Variants in RBBP5 observed in about 807,000 individuals in gnomAD.
RBBP5 encodes retinoblastoma-binding protein 5.
RBBP5 carries 5 observed loss-of-function variants against 72.2 expected under a neutral mutation model. That is an observed-to-expected ratio of 0.07 (90% CI 0.04 to 0.15). The LOEUF (loss-of-function observed/expected upper bound fraction) is 0.15, where lower values mean the gene tolerates loss of function less well. Among genes scored for constraint, RBBP5 ranks in the 10% least tolerant of loss-of-function variants. The pLI is 1.00. For missense variants in RBBP5, 322 were observed against 652.2 expected, an observed-to-expected ratio of 0.49 and a Z score of 5.51; for synonymous variants, 209 against 237.2, an observed-to-expected ratio of 0.88 and a Z score of 1.09.
At chr1:205,093,482 ATATATATATATATATATAT>A (rs1655460928) in intron 13 of RBBP5, among the ~76,000 whole-genome samples, 3 of 5,844 alleles carry the variant, frequency 5.1e-4, no homozygotes, top group South Asian at 0.024. Flanking sequence ...AAAAAAAAAT[ATATATATATATATATATAT>A]ATATATATAT....
At chr1:205,104,372 A>C (rs1655966192) in intron 4 of RBBP5, among the ~76,000 whole-genome samples, 1 of 151,424 alleles carries the variant, frequency 6.6e-6, no homozygotes, top group South Asian at 2.1e-4. Context: ...AAAATACAAA[A>C]ACTTAGCCGG....
chr1:205,098,032 G>C (rs953798958), intron 10 of RBBP5, among the ~76,000 whole-genome samples: 1 of 151,920 alleles, frequency 6.6e-6, no homozygotes, highest in African/African-American at 2.4e-5. Context: ...GGATTAAAAA[G>C]TCAAATCTTT....
intron 6 of RBBP5, 69 bp downstream of exon 6, chr1:205,101,531 A>T (rs974680879): frequency 5.2e-6 from 6 of 1,146,740 alleles, no homozygotes; most frequent in Non-Finnish European, 7.4e-6. Context: ...TGAAAACTGC[A>T]AATCTCCATG....
intron 3 of RBBP5, among the ~76,000 whole-genome samples, chr1:205,108,845 C>T (rs559263960): frequency 1.2e-4 from 18 of 152,226 alleles, no homozygotes; most frequent in Admixed American, 6.5e-4. Context: ...GGAATAAAAA[C>T]GGTATCGACC....
At position 205,093,511 on chromosome 1, in the gene RBBP5, T is replaced by A. The variant is rs1348731840; in HGVS notation, c.1588+1362A>T. Among the ~76,000 whole-genome samples, 52 of 8,100 alleles carry A rather than the reference T, an allele frequency of 6.4e-3. 9 individuals carry two copies. Among genetic ancestry groups the A allele is most frequent in the East Asian group, 0.046 (8 of 174 alleles). The allele number at this position is 8,100 out of a possible 152,430, so 5.3% of individuals were successfully genotyped here. On this transcript the variant is annotated intron_variant, in intron 13 of 13. Transcript: ENST00000264515. ...ATATATATATATATATATATATATATATATATATATATATATATATATACA... is the reference window on the plus strand; with the variant it reads ...ATATATATATATATATATATATATAAATATATATATATATATATATATACA...
Position 205,088,759 on chromosome 1 carries a change from GAGAA to G in RBBP5, c.*24_*27del. ...TCCAGAGGCCACATGATGGCAAAGT[GAGAA>G]AGAATGAAGAACTTCGAAGGTCTTC... On this transcript the variant is annotated 3_prime_UTR_variant, in exon 14 of 14. Coordinates refer to ENST00000264515, the MANE Select transcript of RBBP5 (RefSeq NM_005057.4). The G allele has an allele frequency of 6.3e-7, 1 of 1,579,948 alleles. No individual in the cohort carries two copies. Among genetic ancestry groups the G allele is most frequent in the Non-Finnish European group, 8.7e-7 (1 of 1,155,714 alleles).
intron 10 of RBBP5, among the ~76,000 whole-genome samples, chr1:205,097,803 T>C (rs919478719): frequency 6.6e-6 from 1 of 152,124 alleles, no homozygotes; most frequent in African/African-American, 2.4e-5. Flanking sequence ...TAAAACACAT[T>C]AGGCATGCAA....
At chr1:205,115,930 A>T in intron 1 of RBBP5, 47 bp from the exon 2 acceptor site, 1 of 1,614,032 alleles carries the variant, frequency 6.2e-7, no homozygotes, top group Non-Finnish European at 8.5e-7. Flanking sequence ...ACCACATAGC[A>T]AGGATCATAC....
At chr1:205,105,752 G>A (rs112917850) in intron 3 of RBBP5, among the ~76,000 whole-genome samples, 1,766 of 152,296 alleles carry the variant, frequency 0.012, 45 homozygotes, top group African/African-American at 0.041. Flanking sequence ...CATGTTCCCC[G>A]TTCTGGGTGA....
intron 13 of RBBP5, among the ~76,000 whole-genome samples, chr1:205,090,164 T>C (rs1655287884): frequency 6.6e-6 from 1 of 152,206 alleles, no homozygotes; most frequent in African/African-American, 2.4e-5. Flanking sequence ...ACATTGATTT[T>C]TAAAAAACTT....
intron 3 of RBBP5, among the ~76,000 whole-genome samples, chr1:205,108,038 A>T (rs1294660872): frequency 6.6e-6 from 1 of 151,378 alleles, no homozygotes; most frequent in Non-Finnish European, 1.5e-5. Flanking sequence ...AGGTCAAGAG[A>T]TCGAGACCAT....
intron 11 of RBBP5, 112 bp from the exon 12 acceptor site, chr1:205,097,023 G>A: frequency 1.1e-6 from 1 of 935,170 alleles, no homozygotes; most frequent in East Asian, 2.5e-5. Flanking sequence ...TATGGATCTA[G>A]AACTTTAAGA....
At position 205,101,601 on chromosome 1, in the gene RBBP5, T is replaced by C; in HGVS notation, c.631A>G (p.Ser211Gly). 1 of 1,605,974 alleles carries C rather than the reference T, an allele frequency of 6.2e-7. No homozygotes were observed. Among genetic ancestry groups the C allele is most frequent in the Non-Finnish European group, 8.5e-7 (1 of 1,174,814 alleles). ...CTTAAAAGGTAAGATCTCACTCACC[T>C]CCCCTTCCGGGCAAACTCAATTGAC... ...IKSIEFARKG[S>G]CFLINTADRI... is the part of the protein sequence containing the mutation. The change falls in exon 6 of 14, where the codon AGT becomes GGT. Residue 211 changes from serine to glycine, a missense_variant and splice_region_variant. By Grantham distance (56) the Ser-to-Gly change is moderately conservative. Around this residue, in one of 6 missense-constraint regions of RBBP5, gnomAD observed 161 missense variants for 327.8 expected, o/e 0.49. Coordinates refer to ENST00000264515, the MANE Select transcript of RBBP5 (RefSeq NM_005057.4).
chr1:205,101,649 T>C lies in RBBP5; in HGVS notation c.583A>G (p.Thr195Ala), dbSNP rs1459827461. The change falls in exon 6 of 14, where the codon ACA becomes GCA. Residue 195 changes from threonine (T) to alanine (A), a missense_variant. Thr to Ala is a moderately conservative substitution (Grantham distance 58). Transcript: ENST00000264515. ...GACTTAATGGCTGTGGTATTGCTTG[T>C]TCCAGTTGTCACTCTGAAGGAAGCA... ...LVASFRVTTG[T>A]SNTTAIKSIE... is the part of the protein sequence containing the mutation. 6.2e-7 allele frequency: 1 copy of C among 1,613,894 alleles called. No individual in the cohort carries two copies.
chr1:205,101,018 A>G (rs1655798221), intron 6 of RBBP5, among the ~76,000 whole-genome samples: 1 of 152,202 alleles, frequency 6.6e-6, no homozygotes, highest in South Asian at 2.1e-4. Flanking sequence ...CAGGAGGCAG[A>G]GCTCAGGTGG....
rs1287007968 is a variant in RBBP5, at chr1:205,088,759, G to A, written c.*28C>T. ...TCCAGAGGCCACATGATGGCAAAGT[G>A]AGAAAGAATGAAGAACTTCGAAGGT... On this transcript the variant is annotated 3_prime_UTR_variant, in exon 14 of 14. Coordinates refer to ENST00000264515, the MANE Select transcript of RBBP5 (RefSeq NM_005057.4). 1 of 1,579,948 alleles carries A rather than the reference G, an allele frequency of 6.3e-7. No homozygotes were observed. Among genetic ancestry groups the A allele is most frequent in the Admixed American group, 1.7e-5 (1 of 57,202 alleles).
intron 2 of RBBP5, among the ~76,000 whole-genome samples, 197 bp from the exon 3 acceptor site, chr1:205,115,158 TG>T (rs1276886060): frequency 7.2e-5 from 11 of 152,232 alleles, no homozygotes; most frequent in Admixed American, 6.5e-4. Context: ...CCATGGATTC[TG>T]GAAACAGATG....
At chr1:205,104,907 G>T in intron 4 of RBBP5, 121 bp downstream of exon 4, 1 of 1,100,184 alleles carries the variant, frequency 9.1e-7, no homozygotes, top group Non-Finnish European at 1.3e-6. Flanking sequence ...ATTATTTTAT[G>T]TAGAAGGTTT....
At chr1:205,105,209 A>G (rs1196460401) in intron 3 of RBBP5, 41 bp from the exon 4 acceptor site, 8 of 1,581,946 alleles carry the variant, frequency 5.1e-6, no homozygotes, top group South Asian at 1.1e-5. Flanking sequence ...TATTCTAAGT[A>G]TATCATACCA....
Sources: allele counts gnomAD v4.1 joint callset (sites outside exome capture counted in the v4.1 genomes callset), GRCh38; gene constraint gnomAD v4.1.1; regional missense constraint gnomAD v4.1.1; transcripts MANE v1.5; gene names NCBI Gene and HGNC (gene_info 2026-07-23, HGNC 2026-07-21).